Variants in FAM107B observed in about 807,000 individuals in gnomAD.
FAM107B encodes the protein protein FAM107B.
A neutral mutation model predicts 31.5 loss-of-function variants in FAM107B; 21 were observed. The observed-to-expected ratio is 0.67, with a 90% CI of 0.47 to 0.96. The LOEUF (loss-of-function observed/expected upper bound fraction) is 0.96, where lower values mean the gene tolerates loss of function less well. Among genes scored for constraint, FAM107B ranks in the 40% least tolerant of loss-of-function variants. The pLI, the probability that FAM107B is intolerant of heterozygous loss-of-function variation, is 0.00. For synonymous variants in FAM107B, 157 were observed against 141.5 expected, an observed-to-expected ratio of 1.11 and a Z score of -0.78; for missense variants, 452 against 377.1, an observed-to-expected ratio of 1.20 and a Z score of -1.64.
intron 1 of FAM107B, among the ~76,000 whole-genome samples, chr10:14,697,260 T>C (rs1855288322): frequency 6.6e-6 from 1 of 152,128 alleles, no homozygotes; most frequent in Non-Finnish European, 1.5e-5. Context: ...TCTTTCGTCC[T>C]CTCCTCCTCT....
intron 2 of FAM107B, among the ~76,000 whole-genome samples, chr10:14,592,340 G>A (rs1211234039): frequency 1.3e-5 from 2 of 152,308 alleles, no homozygotes; most frequent in African/African-American, 2.4e-5. Flanking sequence ...GGAAATTTTT[G>A]CCAGCAGGTT....
At chr10:14,626,305 C>G in intron 2 of FAM107B, among the ~76,000 whole-genome samples, 1 of 152,084 alleles carries the variant, frequency 6.6e-6, no homozygotes. Flanking sequence ...AAAAACAATG[C>G]TGGTCTATAT....
chr10:14,692,873 AC>A (rs1265459705), intron 1 of FAM107B, among the ~76,000 whole-genome samples: 2 of 152,302 alleles, frequency 1.3e-5, no homozygotes, highest in African/African-American at 4.8e-5. Context: ...GTGGCCAGTG[AC>A]TTTTACGAGC....
intron 1 of FAM107B, among the ~76,000 whole-genome samples, chr10:14,696,553 G>C (rs999405293): frequency 1.4e-4 from 21 of 151,602 alleles, no homozygotes; most frequent in Non-Finnish European, 2.8e-4. Flanking sequence ...GGTGGTGGGG[G>C]GTAAAGAACT....
At chr10:14,670,948 T>C (rs1207132794) in intron 1 of FAM107B, among the ~76,000 whole-genome samples, 1 of 152,242 alleles carries the variant, frequency 6.6e-6, no homozygotes, top group Non-Finnish European at 1.5e-5. Context: ...AGTGGCTTTT[T>C]CCCAGCAAAG....
chr10:14,687,713 T>C (rs1855023790), intron 1 of FAM107B, among the ~76,000 whole-genome samples: 1 of 152,178 alleles, frequency 6.6e-6, no homozygotes, highest in South Asian at 2.1e-4. Context: ...TTCCATTCCA[T>C]TTCTGCCTCT....
chr10:14,691,089 G>A (rs1309782594), intron 1 of FAM107B, among the ~76,000 whole-genome samples: 1 of 152,100 alleles, frequency 6.6e-6, no homozygotes, highest in Non-Finnish European at 1.5e-5. Context: ...AGGCTGGAGT[G>A]CAGTGGTACT....
intron 1 of FAM107B, among the ~76,000 whole-genome samples, chr10:14,734,858 C>G (rs1856261619): frequency 6.6e-6 from 1 of 152,078 alleles, no homozygotes; most frequent in South Asian, 2.1e-4. Context: ...TTGTCAAGTA[C>G]CTTGGTAGTG....
At chr10:14,724,894 C>A (rs1236858428) in intron 1 of FAM107B, among the ~76,000 whole-genome samples, 2 of 152,176 alleles carry the variant, frequency 1.3e-5, no homozygotes, top group African/African-American at 4.8e-5. Flanking sequence ...GAAACAGGGA[C>A]ATTTCTAGAG....
At chr10:14,697,888 G>A (rs1855303853) in intron 1 of FAM107B, among the ~76,000 whole-genome samples, 1 of 152,332 alleles carries the variant, frequency 6.6e-6, no homozygotes, top group African/African-American at 2.4e-5. Flanking sequence ...ACTTTTGGAG[G>A]CCAAGGCAGG....
chr10:14,677,544 C>A (rs1485041994), intron 1 of FAM107B, among the ~76,000 whole-genome samples: 2 of 152,144 alleles, frequency 1.3e-5, no homozygotes, highest in Non-Finnish European at 2.9e-5. Context: ...TGGCGCGAAC[C>A]CGGGAGGCGG....
intron 1 of FAM107B, among the ~76,000 whole-genome samples, chr10:14,703,278 C>T (rs1373845347): frequency 1.3e-5 from 2 of 151,838 alleles, no homozygotes; most frequent in East Asian, 1.9e-4. Context: ...CAAGATTTCC[C>T]TTTGCTCCTA....
chr10:14,624,882 C>T (rs1461352999), intron 2 of FAM107B, among the ~76,000 whole-genome samples: 1 of 152,138 alleles, frequency 6.6e-6, no homozygotes, highest in African/African-American at 2.4e-5. Context: ...AGGGTAAGAA[C>T]TCTGGTAATC....
chr10:14,681,299 C>T (rs991457817), intron 1 of FAM107B, among the ~76,000 whole-genome samples: 4 of 152,126 alleles, frequency 2.6e-5, no homozygotes, highest in African/African-American at 9.7e-5. Flanking sequence ...TTGAGAATCA[C>T]CGTTGCAAAG....
intron 2 of FAM107B, chr10:14,542,672 T>C (rs1329647059): frequency 4.6e-5 from 7 of 152,216 alleles, no homozygotes; most frequent in East Asian, 1.9e-4. Context: ...CTGTCTTCAT[T>C]TGATCTTGAA....
intron 2 of FAM107B, among the ~76,000 whole-genome samples, chr10:14,549,142 G>T (rs1588552582): frequency 6.6e-6 from 1 of 152,194 alleles, no homozygotes; most frequent in Non-Finnish European, 1.5e-5. Context: ...AGGACTTCTA[G>T]CCTCCACAAG....
chr10:14,531,214 G>T (rs1846955597), intron 2 of FAM107B, among the ~76,000 whole-genome samples: 1 of 152,188 alleles, frequency 6.6e-6, no homozygotes, highest in Non-Finnish European at 1.5e-5. Context: ...TGTGCCACAT[G>T]TATTCCCCTG....
intron 2 of FAM107B, among the ~76,000 whole-genome samples, chr10:14,605,147 C>A (rs2131383386): frequency 6.6e-6 from 1 of 152,302 alleles, no homozygotes; most frequent in East Asian, 1.9e-4. Flanking sequence ...AAGCCAGGAC[C>A]CAAAACCCGG....
intron 2 of FAM107B, among the ~76,000 whole-genome samples, chr10:14,571,061 G>C (rs1851180224): frequency 6.6e-6 from 1 of 152,050 alleles, no homozygotes; most frequent in Non-Finnish European, 1.5e-5. Context: ...CCAAGATCAA[G>C]GTGCCAGCAG....
Sources: gnomAD v4.1 joint callset for allele counts (sites outside exome capture counted in the v4.1 genomes callset) on GRCh38, gnomAD v4.1.1 for gene constraint, MANE v1.5 for transcripts, NCBI Gene and HGNC (gene_info 2026-07-23, HGNC 2026-07-21) for gene names.